MAN2B2: variants seen among roughly 807,000 people sequenced by gnomAD.
The protein encoded by MAN2B2 is epididymis-specific alpha-mannosidase.
A neutral mutation model predicts 117.1 loss-of-function variants in MAN2B2; 106 were observed. The observed-to-expected ratio is 0.90, with a 90% CI of 0.77 to 1.06. The LOEUF is 1.06. Ranked by LOEUF, MAN2B2 falls within the 50% of genes least tolerant of loss-of-function variation. The pLI is 0.00. For missense variants in MAN2B2, 1,326 were observed against 1,381.4 expected, an observed-to-expected ratio of 0.96 and a Z score of 0.64; for synonymous variants, 544 against 595.1, an observed-to-expected ratio of 0.91 and a Z score of 1.25.
At chr4:6,596,322 A>T (rs763896183) in intron 7 of MAN2B2, among the ~76,000 whole-genome samples, 4 of 152,038 alleles carry the variant, frequency 2.6e-5, no homozygotes, top group Non-Finnish European at 5.9e-5. Flanking sequence ...GGAGGACCCC[A>T]TCTGACCCAC....
intron 10 of MAN2B2, among the ~76,000 whole-genome samples, chr4:6,604,796 C>A (rs754736930): frequency 3.3e-5 from 5 of 152,012 alleles, no homozygotes; most frequent in Non-Finnish European, 5.9e-5. Context: ...TGTTCAGGAG[C>A]TCCCAGTTCA....
Position 6,605,093 on chromosome 4 carries a change from G to A in MAN2B2, c.1578G>A (p.Leu526=). 6.2e-7 allele frequency: 1 copy of A among 1,614,152 alleles called. No individual in the cohort carries two copies. Among genetic ancestry groups the A allele is most frequent in the Middle Eastern group, 1.6e-4 (1 of 6,062 alleles). Reference sequence around the variant, plus strand: ...CAGAGACCCCATCTGCGTATGACCTGCTTATTCTGACCACAATCCCAGGCC... The same window carrying A: ...CAGAGACCCCATCTGCGTATGACCTACTTATTCTGACCACAATCCCAGGCC... ...NSTETPSAYD[L]LILTTIPGLS... is the part of the protein sequence containing the mutation. Residue 526 remains leucine, a synonymous_variant, in exon 11 of 19, where the codon CTG becomes CTA. Coordinates refer to ENST00000285599, the MANE Select transcript of MAN2B2 (RefSeq NM_015274.3).
intron 9 of MAN2B2, among the ~76,000 whole-genome samples, chr4:6,598,768 C>T (rs1185549548): frequency 2.6e-5 from 4 of 152,194 alleles, no homozygotes; most frequent in Admixed American, 6.5e-5. Context: ...AGGGATTGAA[C>T]CTGAACACGG....
At chr4:6,586,051 TG>T (rs1726621390) in intron 3 of MAN2B2, among the ~76,000 whole-genome samples, 1 of 149,712 alleles carries the variant, frequency 6.7e-6, no homozygotes, top group Admixed American at 6.7e-5. Flanking sequence ...TCTTTTCTTG[TG>T]GTTTTTTTTT....
intron 3 of MAN2B2, among the ~76,000 whole-genome samples, chr4:6,579,482 TACCACTACCATC>T (rs1365312555): frequency 1.7e-5 from 2 of 117,384 alleles, no homozygotes; most frequent in Non-Finnish European, 3.5e-5. Flanking sequence ...TGACCATCAC[TACCACTACCATC>T]ACCACCACCA....
rs758431473 is a variant in MAN2B2, at chr4:6,594,675, G to A, written c.1000G>A (p.Ala334Thr). The A allele has an allele frequency of 8.1e-6, 13 of 1,613,122 alleles. No homozygotes were observed. Among genetic ancestry groups the A allele is most frequent in the African/African-American group, 2.7e-5 (2 of 74,932 alleles). ...GGGCGACTACTTCCGTGCCCTGCAC[G>A]CTCTCAATGTCACCTGGCGTGTCCG... ...TLGDYFRALH[A>T]LNVTWRVRDH... Residue 334 changes from alanine (A) to threonine (T), a missense_variant, in exon 7 of 19, where the codon GCT becomes ACT. Ala to Thr is a moderately conservative substitution (Grantham distance 58). Transcript: ENST00000285599.
chr4:6,613,019 T>C (rs1315812100), intron 15 of MAN2B2, among the ~76,000 whole-genome samples: 1 of 152,224 alleles, frequency 6.6e-6, no homozygotes, highest in East Asian at 1.9e-4. Context: ...GGGGCTGCTC[T>C]CAAAGAGCAG....
rs74712034 is a variant in MAN2B2, at chr4:6,621,490, C to G, written c.*205C>G. 4.8e-3 allele frequency: 2,593 copies of G among 545,008 alleles called. 61 individuals carry two copies. Among genetic ancestry groups the G allele is most frequent in the African/African-American group, 0.044 (2,298 of 52,706 alleles). 33.8% of individuals were successfully genotyped at this position (545,008 alleles called of 1,614,324 possible). On this transcript the variant is annotated 3_prime_UTR_variant, in exon 19 of 19. Coordinates refer to ENST00000285599, the MANE Select transcript of MAN2B2 (RefSeq NM_015274.3). ...TACATTACAAGATCCAGGTTCTTCC[C>G]CCCCACACTCAATCAAGCCAGCCCT...
chr4:6,600,782 G>A lies in MAN2B2; in HGVS notation c.1539+26G>A, dbSNP rs746240971. On this transcript the variant is annotated intron_variant, in intron 10 of 18. Coordinates refer to ENST00000285599, the MANE Select transcript of MAN2B2 (RefSeq NM_015274.3). ...GTATGGACACAAAATCCTGCTGGAG[G>A]GGCCTTAGCTGCTTGCTGAACCTGC... 15 of 1,611,688 alleles carry A rather than the reference G, an allele frequency of 9.3e-6. No homozygotes were observed. In the East Asian group the frequency reaches 2.5e-4, roughly 26 times the overall value.
At chr4:6,596,139 C>CGTGGTGTCCAGGTGGGT (rs1727071224) in intron 7 of MAN2B2, among the ~76,000 whole-genome samples, 1 of 147,836 alleles carries the variant, frequency 6.8e-6, no homozygotes, top group Admixed American at 6.7e-5. Context: ...TCCAGGTGGG[C>CGTGGTGTCCAGGTGGGT]GTGGTATCCA....
In MAN2B2 at chr4:6,610,934, G is replaced by A; in HGVS notation, c.2314G>A (p.Val772Met). ...CATGGAGGATGGCAAAAGCAGGCTT[G>A]TGTTGCTGTCGGAGCGGGCACATGG... Reference protein sequence around the residue: ...AFMEDGKSRLVLLSERAHGIS... With the variant: ...AFMEDGKSRLMLLSERAHGIS... The change falls in exon 14 of 19, where the codon GTG (valine) becomes ATG (methionine). Residue 772 changes from valine (V) to methionine (M), a missense_variant. Physicochemically the swap from Val to Met is conservative, Grantham distance 21. Transcript: ENST00000285599. 6.2e-7 allele frequency: 1 copy of A among 1,614,236 alleles called. No homozygotes were observed. The highest frequency in any genetic ancestry group is 8.5e-7 in the Non-Finnish European group (1 of 1,180,026).
chr4:6,582,036 C>G (rs1726449187), intron 3 of MAN2B2, among the ~76,000 whole-genome samples: 2 of 152,046 alleles, frequency 1.3e-5, no homozygotes, highest in Non-Finnish European at 2.9e-5. Flanking sequence ...GGAGGCCCAG[C>G]AGAGTGGCAG....
In MAN2B2 at chr4:6,594,568, A is replaced by G. The variant is rs759903872; in HGVS notation, c.893A>G (p.Gln298Arg). The G allele has an allele frequency of 9.3e-6, 15 of 1,613,596 alleles. No homozygotes were observed. The highest frequency in any genetic ancestry group is 1.3e-5 in the Non-Finnish European group (15 of 1,180,024). The stretch of plus-strand genomic sequence containing the variant: ...AAGCAGTTCTTCAATGCCTCGGTGC[A>G]GTTTGCCAACATGGACCCGCTGCTG... ...CDKQFFNASV[Q>R]FANMDPLLDH... The change falls in exon 7 of 19, where the codon CAG becomes CGG. Residue 298 changes from glutamine (Q) to arginine (R), a missense_variant. Physicochemically the swap from Gln to Arg is conservative, Grantham distance 43 (BLOSUM62 1). Coordinates refer to ENST00000285599, the MANE Select transcript of MAN2B2 (RefSeq NM_015274.3).
chr4:6,601,300 T>G (rs1727318635), intron 10 of MAN2B2, among the ~76,000 whole-genome samples: 1 of 152,160 alleles, frequency 6.6e-6, no homozygotes, highest in African/African-American at 2.4e-5. Flanking sequence ...GGTCAGGAGT[T>G]CGAGACCATC....
chr4:6,579,619 A>G (rs1444362213), intron 3 of MAN2B2, among the ~76,000 whole-genome samples: 5 of 151,104 alleles, frequency 3.3e-5, no homozygotes, highest in Non-Finnish European at 7.4e-5. Context: ...CACCACTACA[A>G]TGACCATTAC....
At chr4:6,579,244 C>CATCA (rs1726281054) in intron 3 of MAN2B2, among the ~76,000 whole-genome samples, 3 of 21,600 alleles carry the variant, frequency 1.4e-4, no homozygotes, top group African/African-American at 2.8e-4. Flanking sequence ...CCACCACCAC[C>CATCA]CTTCACCACC....
chr4:6,610,734 C>G lies in MAN2B2; in HGVS notation c.2260-146C>G, dbSNP rs1727735590. ...AGCCACAGAGCTGGTGTCTGAACCCCAGTCTGTTGGTCTCCAAAGTCAGGG... is the reference window on the plus strand; with the variant it reads ...AGCCACAGAGCTGGTGTCTGAACCCGAGTCTGTTGGTCTCCAAAGTCAGGG... On this transcript the variant is annotated intron_variant, in intron 13 of 18. Transcript: ENST00000285599. 3 of 683,656 alleles carry G rather than the reference C, an allele frequency of 4.4e-6. No individual in the cohort carries two copies. The Admixed American group carries it at 6.5e-5, about 15-fold the overall frequency. The allele number at this position is 683,656 out of a possible 1,614,324, so 42.3% of individuals were successfully genotyped here.
chr4:6,620,009 G>A lies in MAN2B2; in HGVS notation c.2897G>A (p.Arg966His), dbSNP rs765499960. ...ACCTGGGATTTGAGCATGCTGCACCGCTGGAGCTGGAGGACGGGGCCTGGC... is the reference window on the plus strand; with the variant it reads ...ACCTGGGATTTGAGCATGCTGCACCACTGGAGCTGGAGGACGGGGCCTGGC... ...TGTWDLSMLH[R>H]WSWRTGPGRH... Residue 966 changes from arginine to histidine, a missense_variant, in exon 18 of 19, where the codon CGC becomes CAC. By Grantham distance (29) the Arg-to-His change is conservative. Coordinates refer to ENST00000285599, the MANE Select transcript of MAN2B2 (RefSeq NM_015274.3). 19 of 1,613,522 alleles carry A rather than the reference G, an allele frequency of 1.2e-5. No homozygotes were observed. The highest frequency in any genetic ancestry group is 4.5e-5 in the East Asian group (2 of 44,864).
At chr4:6,596,529 T>C (rs1022082058) in intron 7 of MAN2B2, among the ~76,000 whole-genome samples, 3 of 152,084 alleles carry the variant, frequency 2.0e-5, no homozygotes, top group Non-Finnish European at 4.4e-5. Context: ...GCCTCCTGCA[T>C]GGGCCCTGGG....
Sources: allele counts gnomAD v4.1 joint callset (sites outside exome capture counted in the v4.1 genomes callset), GRCh38; gene constraint gnomAD v4.1.1; transcripts MANE v1.5; gene names NCBI Gene and HGNC (gene_info 2026-07-23, HGNC 2026-07-21).